Variants in MGAT4C observed in about 807,000 individuals in gnomAD.
The protein encoded by MGAT4C is MGAT4 family member C.
Under a neutral mutation model 40.1 loss-of-function variants are expected in MGAT4C, and 19 were observed. That is an observed-to-expected ratio of 0.47 (90% confidence interval 0.33 to 0.70). The LOEUF is 0.70. Among genes scored for constraint, MGAT4C ranks in the 30% least tolerant of loss-of-function variants. The pLI is 0.02. For synonymous variants in MGAT4C, 181 were observed against 187.1 expected, an observed-to-expected ratio of 0.97 and a Z score of 0.27; for missense variants, 491 against 563.2, an observed-to-expected ratio of 0.87 and a Z score of 1.30.
intron 2 of MGAT4C, among the ~76,000 whole-genome samples, chr12:86,576,895 C>A (rs938099873): frequency 6.6e-6 from 1 of 151,780 alleles, no homozygotes; most frequent in African/African-American, 2.4e-5. Flanking sequence ...TGCATTGAAT[C>A]TGTAGATTGT....
intron 2 of MGAT4C, among the ~76,000 whole-genome samples, chr12:86,440,879 T>TA (rs905628819): frequency 2.6e-5 from 4 of 151,350 alleles, no homozygotes; most frequent in South Asian, 2.1e-4. Flanking sequence ...TTACAATAAC[T>TA]AAAAAAAATC....
At chr12:85,999,220 G>T (rs1366431330) in intron 2 of MGAT4C, among the ~76,000 whole-genome samples, 1 of 152,132 alleles carries the variant, frequency 6.6e-6, no homozygotes. Flanking sequence ...TTCACTGGCT[G>T]CCTCCCATGA....
At position 86,138,876 on chromosome 12, in the gene MGAT4C, C is replaced by T. The variant is rs191205015; in HGVS notation, c.-56-89153G>A. ...TTCCTTATAAATTAGCAGCCACAGACAGCCTGCCTTGTATCAAGAGGGGTG... is the reference window on the plus strand; with the variant it reads ...TTCCTTATAAATTAGCAGCCACAGATAGCCTGCCTTGTATCAAGAGGGGTG... On this transcript the variant is annotated intron_variant, in intron 1 of 4. Coordinates refer to ENST00000611864, the MANE Select transcript of MGAT4C (RefSeq NM_001351288.2). Among the ~76,000 whole-genome samples the T allele has an allele frequency of 1.8e-4, 28 of 152,050 alleles. 1 individual carries two copies. The highest frequency in any genetic ancestry group is 6.7e-4 in the African/African-American group (28 of 41,512).
chr12:86,699,975 A>G (rs750015907), intron 2 of MGAT4C, among the ~76,000 whole-genome samples: 4 of 151,692 alleles, frequency 2.6e-5, no homozygotes, highest in Admixed American at 6.6e-5. Flanking sequence ...TGAAAAAAGG[A>G]TGTGTATAAT....
At chr12:86,258,771 A>G (rs1324061186), upstream of MGAT4C, among the ~76,000 whole-genome samples, 1 of 152,094 alleles carries the variant, frequency 6.6e-6, no homozygotes, top group Non-Finnish European at 1.5e-5. Flanking sequence ...CTTATTACAT[A>G]TGAAAATAAT....
chr12:86,779,930 AT>A (rs1951809864), intron 1 of MGAT4C, among the ~76,000 whole-genome samples: 1 of 151,630 alleles, frequency 6.6e-6, no homozygotes, highest in African/African-American at 2.4e-5. Context: ...AAAATAAAAA[AT>A]AATAATATTA....
At position 86,679,296 on chromosome 12, in the gene MGAT4C, G is replaced by T. The variant is rs1049553616; in HGVS notation, c.-229+47913C>A. Among the ~76,000 whole-genome samples, 2 of 152,002 alleles carry T rather than the reference G, an allele frequency of 1.3e-5. 1 individual carries two copies. Among genetic ancestry groups the T allele is most frequent in the South Asian group, 4.2e-4 (2 of 4,808 alleles). On this transcript the variant is annotated intron_variant, in intron 2 of 7. Coordinates refer to the MGAT4C transcript ENST00000548651. ...GGGTTTGTTTTTTTCTTGTAAATTT[G>T]TTTGAGTTCATTGTAGATTCTTTTC...
At chr12:86,234,560 A>G (rs918366106) in intron 1 of MGAT4C, among the ~76,000 whole-genome samples, 1 of 152,156 alleles carries the variant, frequency 6.6e-6, no homozygotes, top group Non-Finnish European at 1.5e-5. Context: ...GTATGCAAGC[A>G]TAAGTCCTGG....
intron 3 of MGAT4C, among the ~76,000 whole-genome samples, chr12:86,406,545 T>C (rs895506928): frequency 2.6e-5 from 4 of 152,034 alleles, no homozygotes; most frequent in African/African-American, 9.7e-5. Flanking sequence ...CATATCTATA[T>C]GTATTTTGTT....
chr12:86,435,373 C>T (rs542625592), intron 2 of MGAT4C: 1 of 151,964 alleles, frequency 6.6e-6, no homozygotes, highest in African/African-American at 2.4e-5. Context: ...AGACTTTCTC[C>T]AAACAAGCCC....
intron 4 of MGAT4C, among the ~76,000 whole-genome samples, chr12:86,282,987 A>G (rs148049148): frequency 1.3e-5 from 2 of 152,144 alleles, no homozygotes; most frequent in East Asian, 3.9e-4. Context: ...AAAAACTTTC[A>G]ATATATCATC....
intron 2 of MGAT4C, among the ~76,000 whole-genome samples, chr12:86,498,736 C>T (rs545820311): frequency 6.6e-6 from 1 of 152,062 alleles, no homozygotes; most frequent in South Asian, 2.1e-4. Flanking sequence ...TGCTAATTAT[C>T]TCCACATGAC....
intron 2 of MGAT4C, among the ~76,000 whole-genome samples, chr12:86,672,370 C>T (rs1027596132): frequency 6.6e-6 from 1 of 151,602 alleles, no homozygotes; most frequent in Non-Finnish European, 1.5e-5. Flanking sequence ...AATGCATCAT[C>T]CTAAAGAATA....
chr12:86,063,986 A>G (rs138173996), intron 1 of MGAT4C, among the ~76,000 whole-genome samples: 6 of 152,340 alleles, frequency 3.9e-5, no homozygotes, highest in African/African-American at 1.4e-4. Flanking sequence ...TATTAGACAG[A>G]TCAACAATAC....
intron 3 of MGAT4C, among the ~76,000 whole-genome samples, chr12:86,395,960 T>C (rs1003138532): frequency 1.3e-5 from 2 of 152,180 alleles, no homozygotes; most frequent in Non-Finnish European, 2.9e-5. Flanking sequence ...GATATTTTTA[T>C]TTAGTATAAT....
chr12:86,005,771 A>G (rs905500699), intron 2 of MGAT4C, among the ~76,000 whole-genome samples: 1 of 152,186 alleles, frequency 6.6e-6, no homozygotes, highest in South Asian at 2.1e-4. Context: ...AAAAAGACCT[A>G]TGTGGTCAAT....
At chr12:86,030,445 T>TA (rs930202782) in intron 2 of MGAT4C, among the ~76,000 whole-genome samples, 3 of 151,636 alleles carry the variant, frequency 2.0e-5, no homozygotes, top group African/African-American at 7.3e-5. Flanking sequence ...CTACATGAGA[T>TA]AAAACACATT....
chr12:86,596,940 C>T (rs568367164), intron 2 of MGAT4C, among the ~76,000 whole-genome samples: 29 of 152,292 alleles, frequency 1.9e-4, no homozygotes, highest in African/African-American at 6.7e-4. Context: ...GAAAGTCATA[C>T]AAACTTCTTC....
At chr12:86,360,687 C>A (rs953719290) in intron 3 of MGAT4C, among the ~76,000 whole-genome samples, 2 of 152,236 alleles carry the variant, frequency 1.3e-5, no homozygotes, top group East Asian at 3.9e-4. Context: ...TCCTATACAC[C>A]AATAACAGAC....
Sources: gnomAD v4.1 joint callset for allele counts (sites outside exome capture counted in the v4.1 genomes callset) on GRCh38, gnomAD v4.1.1 for gene constraint, MANE v1.5 for transcripts, NCBI Gene and HGNC (gene_info 2026-07-23, HGNC 2026-07-21) for gene names.